SRGAP3: variants seen among roughly 807,000 people sequenced by gnomAD.
The protein encoded by SRGAP3 is SLIT-ROBO Rho GTPase activating protein 3, also known as SLIT-ROBO Rho GTPase-activating protein 3.
SRGAP3 carries 39 observed loss-of-function variants against 121.1 expected under a neutral mutation model. The ratio of observed to expected loss-of-function variants is 0.32; its 90% CI spans 0.25 to 0.42. The LOEUF is 0.42. SRGAP3 is among the 10% of genes least tolerant of loss of function. The pLI is 1.00. For missense variants in SRGAP3, 1,213 were observed against 1,470.6 expected (o/e 0.82, Z 2.86); for synonymous variants, 601 against 570.0 (o/e 1.05, Z -0.77).
intron 3 of SRGAP3, among the ~76,000 whole-genome samples, chr3:9,257,982 C>T (rs190016385): frequency 3.9e-5 from 6 of 152,244 alleles, no homozygotes; most frequent in African/African-American, 1.2e-4. Flanking sequence ...GGATTATAGG[C>T]ATAAGCCACC....
intron 4 of SRGAP3, among the ~76,000 whole-genome samples, chr3:9,070,946 C>T (rs932618890): frequency 1.3e-5 from 2 of 152,060 alleles, no homozygotes; most frequent in Admixed American, 1.3e-4. Context: ...GTACTAGGCA[C>T]CATAGGAAGG....
Position 9,249,389 on chromosome 3 carries a change from C to T in SRGAP3, c.-438G>A. The T allele has an allele frequency of 6.7e-6, 2 of 297,014 alleles. No homozygotes were observed. Among genetic ancestry groups the T allele is most frequent in the Non-Finnish European group, 1.3e-5 (2 of 155,918 alleles). The allele number at this position is 297,014 out of a possible 1,614,324, so 18.4% of individuals were successfully genotyped here. On this transcript the variant is annotated 5_prime_UTR_variant, in exon 1 of 22. It adds an upstream start codon to the 5' untranslated region. Coordinates refer to ENST00000383836, the MANE Select transcript of SRGAP3 (RefSeq NM_014850.4). ...AGGCATACACACACACACCCTCACA[C>T]GCACACACACTCGCTGGATCACTCA...
chr3:9,269,581 C>T (rs926126833), intron 3 of SRGAP3, among the ~76,000 whole-genome samples: 13 of 152,216 alleles, frequency 8.5e-5, no homozygotes, highest in Admixed American at 7.9e-4. Context: ...ATTTGTAAGT[C>T]TTCCCAGATA....
At chr3:9,292,131 T>A (rs1187311735) in intron 3 of SRGAP3, among the ~76,000 whole-genome samples, 1 of 152,224 alleles carries the variant, frequency 6.6e-6, no homozygotes, top group Non-Finnish European at 1.5e-5. Flanking sequence ...TACTGTTGCA[T>A]TCGCATCTCA....
chr3:9,345,603 G>A (rs1955872843), intron 1 of SRGAP3, among the ~76,000 whole-genome samples: 1 of 151,816 alleles, frequency 6.6e-6, no homozygotes, highest in Non-Finnish European at 1.5e-5. Context: ...AGCCAACATG[G>A]TGAAACCCCG....
At chr3:9,104,246 C>G (rs1307790830) in intron 3 of SRGAP3, among the ~76,000 whole-genome samples, 3 of 152,128 alleles carry the variant, frequency 2.0e-5, no homozygotes, top group Admixed American at 6.6e-5. Context: ...TGCATGTGTA[C>G]ACTAGAAAAT....
rs967502647 is a variant in SRGAP3 at position 9,152,825 on chromosome 3, A to T, written c.68-27908T>A. Among the ~76,000 whole-genome samples the T allele has an allele frequency of 4.0e-5, 6 of 151,246 alleles. No individual in the cohort carries two copies. The East Asian group carries it at 1.2e-3, about 29-fold the overall frequency. On this transcript the variant is annotated intron_variant, in intron 1 of 21. Coordinates refer to ENST00000383836, the MANE Select transcript of SRGAP3 (RefSeq NM_014850.4). ...GCCTTCTATAAAGATTGCCTTCCAG[A>T]GGCAGCCCACATCCACGACTGATCA...
At chr3:8,987,501 T>C (rs971720289) in intron 21 of SRGAP3, among the ~76,000 whole-genome samples, 2 of 152,238 alleles carry the variant, frequency 1.3e-5, no homozygotes, top group African/African-American at 2.4e-5. Flanking sequence ...GGCCCCTTTC[T>C]GCACCCTGGT....
In SRGAP3 at chr3:9,051,861, C is replaced by T. The variant is rs1017203898; in HGVS notation, c.1323+1166G>A. Reference sequence around the variant, plus strand: ...CCAAGTAGCTGGGACTACAGGTGCACGCCACCACACCCAGCTAATTTTTTG... The same window carrying T: ...CCAAGTAGCTGGGACTACAGGTGCATGCCACCACACCCAGCTAATTTTTTG... On this transcript the variant is annotated intron_variant, in intron 9 of 21. Coordinates refer to ENST00000383836, the MANE Select transcript of SRGAP3 (RefSeq NM_014850.4). Among the ~76,000 whole-genome samples, 7 of 152,038 alleles carry T rather than the reference C, an allele frequency of 4.6e-5. No homozygotes were observed. In the East Asian group the frequency reaches 9.7e-4, roughly 21 times the overall value.
Position 9,313,494 on chromosome 3 carries a change from G to C in SRGAP3, n.442+12516C>G, listed in dbSNP as rs542795697. Among the ~76,000 whole-genome samples, 8 of 152,112 alleles carry C rather than the reference G, an allele frequency of 5.3e-5. 1 individual carries two copies. In the East Asian group the frequency reaches 1.5e-3, roughly 29 times the overall value. On this transcript the variant is annotated intron_variant and non_coding_transcript_variant, in intron 3 of 3. Transcript: ENST00000490889. The stretch of plus-strand genomic sequence containing the variant: ...ACTTGAGGTCAGGAGTTCGAGACCA[G>C]CCTGGCCAACATAGCGAAACTCCAT...
intron 3 of SRGAP3, among the ~76,000 whole-genome samples, chr3:9,259,654 C>T (rs1185986865): frequency 1.3e-5 from 2 of 152,080 alleles, no homozygotes; most frequent in East Asian, 1.9e-4. Context: ...CTCTCCACAC[C>T]CCACCTCCAC....
At chr3:9,061,797 A>G (rs1469150563) in intron 5 of SRGAP3, among the ~76,000 whole-genome samples, 1 of 152,178 alleles carries the variant, frequency 6.6e-6, no homozygotes, top group East Asian at 1.9e-4. Context: ...CCATCTCAGC[A>G]GGGACCCAAT....
intron 1 of SRGAP3, among the ~76,000 whole-genome samples, chr3:9,138,116 G>A (rs1225504271): frequency 6.6e-6 from 1 of 152,236 alleles, no homozygotes; most frequent in Non-Finnish European, 1.5e-5. Context: ...ATAGAAGTCA[G>A]AGAACTGGGG....
chr3:9,057,695 G>A (rs539593415), intron 7 of SRGAP3, among the ~76,000 whole-genome samples: 1 of 152,358 alleles, frequency 6.6e-6, no homozygotes, highest in South Asian at 2.1e-4. Flanking sequence ...TTGCATAAGG[G>A]ATTTTGTAAG....
intron 3 of SRGAP3, among the ~76,000 whole-genome samples, chr3:9,274,076 A>C (rs1954528377): frequency 6.6e-6 from 1 of 152,100 alleles, no homozygotes; most frequent in Non-Finnish European, 1.5e-5. Flanking sequence ...AAGACTTTAC[A>C]CTTCTTGAGA....
Position 9,058,281 on chromosome 3 carries a change from C to A in SRGAP3, c.993G>T (p.Lys331Asn). ...CCCCCATGTGGGGCTGGAACTCGAA[C>A]TTGAGTGGAGGGCAGAAGACTTGAT... ...MCNQVFCPPL[K>N]FEFQPHMGDE... is the part of the protein sequence containing the mutation. Residue 331 changes from lysine to asparagine, a missense_variant, in exon 7 of 22, where the codon AAG (lysine) becomes AAT (asparagine). Transcript: ENST00000383836. 6.2e-7 allele frequency: 1 copy of A among 1,614,248 alleles called. No individual in the cohort carries two copies. Among genetic ancestry groups the A allele is most frequent in the Admixed American group, 1.7e-5 (1 of 60,032 alleles).
chr3:9,142,572 C>T (rs568739750), intron 1 of SRGAP3, among the ~76,000 whole-genome samples: 1 of 152,284 alleles, frequency 6.6e-6, no homozygotes, highest in South Asian at 2.1e-4. Context: ...AGGAAAAACA[C>T]CTCATGTTTA....
chr3:8,992,530 G>A (rs1942118345), intron 20 of SRGAP3: 3 of 395,666 alleles, frequency 7.6e-6, no homozygotes, highest in Admixed American at 3.8e-5. Context: ...GGGAATATGT[G>A]AGCTTTACAT....
chr3:9,004,245 C>A (rs547408044), intron 18 of SRGAP3, among the ~76,000 whole-genome samples: 28 of 152,184 alleles, frequency 1.8e-4, no homozygotes, highest in Admixed American at 2.6e-4. Context: ...ACTCTGGCAA[C>A]TACAAATCAT....
Sources: allele counts gnomAD v4.1 joint callset (sites outside exome capture counted in the v4.1 genomes callset), GRCh38; gene constraint gnomAD v4.1.1; transcripts MANE v1.5; gene names NCBI Gene and HGNC (gene_info 2026-07-23, HGNC 2026-07-21).